The following PHACTR3 variants were observed in gnomAD, a reference collection of about 807,000 sequenced individuals.
The protein encoded by PHACTR3 is protein phosphatase 1, regulatory subunit 123.
Under a neutral mutation model 66.8 loss-of-function variants are expected in PHACTR3, and 16 were observed. That is an observed-to-expected ratio of 0.24 (90% CI 0.16 to 0.36). PHACTR3 has a LOEUF of 0.36. Among genes scored for constraint, PHACTR3 ranks in the 10% least tolerant of loss-of-function variants. PHACTR3 has a pLI of 1.00. For synonymous variants in PHACTR3, 323 were observed against 292.1 expected (o/e 1.11, Z -1.08); for missense variants, 647 against 719.9 (o/e 0.90, Z 1.16).
chr20:59,578,844 G>A (rs1225198298), intron 1 of PHACTR3, among the ~76,000 whole-genome samples: 10 of 152,334 alleles, frequency 6.6e-5, no homozygotes, highest in Admixed American at 2.0e-4. Context: ...GGAGAAGCTC[G>A]TGGCAGAAGC....
chr20:59,608,258 G>A (rs1360399948), intron 1 of PHACTR3, among the ~76,000 whole-genome samples: 1 of 152,126 alleles, frequency 6.6e-6, no homozygotes, highest in Non-Finnish European at 1.5e-5. Context: ...GCCATGGACT[G>A]TGTGGCGGGG....
rs564727793 is a variant in PHACTR3, at chr20:59,612,532, G to A, written c.118+7400G>A. Among the ~76,000 whole-genome samples the A allele has an allele frequency of 5.3e-5, 8 of 152,122 alleles. No individual in the cohort carries two copies. The East Asian group carries it at 7.7e-4, about 15-fold the overall frequency. ...CCCGAGTGGCTGGGACTACAGGTGC[G>A]CGCCACCATGCCCAACTAATTTTTT... On this transcript the variant is annotated intron_variant, in intron 1 of 12. Coordinates refer to ENST00000371015, the MANE Select transcript of PHACTR3 (RefSeq NM_080672.5).
chr20:59,757,580 G>T (rs1161178763), intron 4 of PHACTR3, among the ~76,000 whole-genome samples: 3 of 152,104 alleles, frequency 2.0e-5, no homozygotes, highest in Admixed American at 2.0e-4. Flanking sequence ...ACAGCCACTC[G>T]CCTCTGCCCC....
chr20:59,646,756 A>T (rs1160046622), intron 1 of PHACTR3, among the ~76,000 whole-genome samples: 1 of 152,210 alleles, frequency 6.6e-6, no homozygotes, highest in African/African-American at 2.4e-5. Flanking sequence ...GGCCTGAGGC[A>T]GGGAGGGTGC....
chr20:59,731,001 T>TTAAATGCATTTAATCCCTCTGACC (rs1481884467), intron 1 of PHACTR3, among the ~76,000 whole-genome samples: 3 of 152,188 alleles, frequency 2.0e-5, no homozygotes, highest in African/African-American at 7.2e-5. Flanking sequence ...TTCCTAGCAC[T>TTAAATGCATTTAATCCCTCTGACC]TAAATGCATT....
At chr20:59,591,851 GGTAAAAATA>G (rs371017505) in intron 1 of PHACTR3, among the ~76,000 whole-genome samples, 34 of 152,138 alleles carry the variant, frequency 2.2e-4, no homozygotes, top group African/African-American at 7.9e-4. Flanking sequence ...AGATATATAT[GGTAAAAATA>G]TAAAGAATAC....
intron 1 of PHACTR3, among the ~76,000 whole-genome samples, chr20:59,638,158 C>A (rs983445400): frequency 6.6e-6 from 1 of 152,214 alleles, no homozygotes; most frequent in African/African-American, 2.4e-5. Flanking sequence ...CTGGTATAAG[C>A]TGTCTTAGCA....
intron 1 of PHACTR3, chr20:59,627,997 C>CA (rs1600951336): frequency 6.6e-6 from 1 of 152,108 alleles, no homozygotes; most frequent in East Asian, 1.9e-4. Context: ...TCCATCTATC[C>CA]AGGCAGTGCT....
At chr20:59,582,382 A>G (rs1169164801) in intron 1 of PHACTR3, among the ~76,000 whole-genome samples, 1 of 152,200 alleles carries the variant, frequency 6.6e-6, no homozygotes, top group Non-Finnish European at 1.5e-5. Flanking sequence ...ATCCTGTCAC[A>G]GGCTGTGCTG....
intron 1 of PHACTR3, among the ~76,000 whole-genome samples, chr20:59,673,615 G>A (rs1474142191): frequency 6.6e-6 from 1 of 152,162 alleles, no homozygotes; most frequent in African/African-American, 2.4e-5. Flanking sequence ...CAGCTGGGAT[G>A]GTGACCCTGG....
rs566108667 is a variant in PHACTR3, at chr20:59,829,319, C to T, written c.1329-7186C>T. On this transcript the variant is annotated intron_variant, in intron 8 of 12. Coordinates refer to ENST00000371015, the MANE Select transcript of PHACTR3 (RefSeq NM_080672.5). This position sits in a 1 kb window ranked among gnomAD's most constrained non-coding sequence, Gnocchi z 4.2. ...TGCTTGCTGTTTCCTAGTGTGGACA[C>T]ACTCCATCCCCTCTGCCTGGATGCC... Among the ~76,000 whole-genome samples, 5 of 152,308 alleles carry T rather than the reference C, an allele frequency of 3.3e-5. No homozygotes were observed. In the South Asian group the frequency reaches 1.0e-3, roughly 32 times the overall value.
At chr20:59,661,085 C>T (rs2035789657) in intron 1 of PHACTR3, among the ~76,000 whole-genome samples, 2 of 152,162 alleles carry the variant, frequency 1.3e-5, no homozygotes, top group Non-Finnish European at 2.9e-5. Flanking sequence ...GTGGATTATG[C>T]CAGTTTCTAG....
At chr20:59,579,893 TCGGGGAGGAGGGAGACTGGC>T (rs1216862012) in intron 1 of PHACTR3, among the ~76,000 whole-genome samples, 1 of 151,930 alleles carries the variant, frequency 6.6e-6, no homozygotes, top group African/African-American at 2.4e-5. Flanking sequence ...GAAGGCTTGG[TCGGGGAGGAGGGAGACTGGC>T]CGGAGGCTTC....
chr20:59,715,012 A>T (rs887297100), intron 1 of PHACTR3, among the ~76,000 whole-genome samples: 1 of 152,196 alleles, frequency 6.6e-6, no homozygotes, highest in Admixed American at 6.5e-5. Flanking sequence ...ATTTTTGTAT[A>T]TGGACTTCCT....
intron 1 of PHACTR3, among the ~76,000 whole-genome samples, chr20:59,605,859 G>GGGGGGGGAGGT (rs2033649610): frequency 3.3e-4 from 2 of 6,042 alleles, no homozygotes; most frequent in African/African-American, 8.4e-4. Context: ...GGGGGGAGGT[G>GGGGGGGGAGGT]GGGGGGGGGG....
intron 11 of PHACTR3, 24 bp from the exon 12 acceptor site, chr20:59,845,165 C>G: frequency 6.9e-7 from 1 of 1,443,256 alleles, no homozygotes. Flanking sequence ...TCCTGTAAAA[C>G]AATGTCTTGT....
At position 59,830,152 on chromosome 20, in the gene PHACTR3, A is replaced by ATGTGTGTGTCTGATGGAAGAGGG. The variant is rs1568864443; in HGVS notation, c.1329-6349_1329-6348insTGTGTCTGATGGAAGAGGGTGTG. Among the ~76,000 whole-genome samples the ATGTGTGTGTCTGATGGAAGAGGG allele has an allele frequency of 1.4e-5, 2 of 138,200 alleles. No homozygotes were observed. Among genetic ancestry groups the ATGTGTGTGTCTGATGGAAGAGGG allele is most frequent in the African/African-American group, 6.4e-5 (2 of 31,324 alleles). The allele number at this position is 138,200 out of a possible 152,430, so 90.7% of individuals were successfully genotyped here. A position where few individuals can be genotyped will look rare whatever the true frequency, so the allele number is the denominator to read the frequency against. On this transcript the variant is annotated intron_variant, in intron 8 of 12. Transcript: ENST00000371015. This position sits in a 1 kb window ranked among gnomAD's most constrained non-coding sequence, Gnocchi z 5.8. ...GAAAGAGGCTATGACAGACAGGAGC[A>ATGTGTGTGTCTGATGGAAGAGGG]TGTGCGTGTCTGGTGGAAGAGGGTG...
chr20:59,792,852 T>A (rs1437265467), intron 7 of PHACTR3, among the ~76,000 whole-genome samples: 1 of 152,204 alleles, frequency 6.6e-6, no homozygotes, highest in Non-Finnish European at 1.5e-5. Context: ...CCATGCTGTT[T>A]TGGTTACTAT....
Position 59,830,454 on chromosome 20 carries a change from A to G in PHACTR3, c.1329-6051A>G, listed in dbSNP as rs1290800835. ...ATGTGTGGGCATCTGATGGAGGAAGATGTGAACATCTGATGGAGGTGTGAA... is the reference window on the plus strand; with the variant it reads ...ATGTGTGGGCATCTGATGGAGGAAGGTGTGAACATCTGATGGAGGTGTGAA... On this transcript the variant is annotated intron_variant, in intron 8 of 12. Transcript: ENST00000371015. The surrounding 1 kb of genome is among the most constrained non-coding windows in gnomAD (Gnocchi z 5.8). 6.6e-6 allele frequency among the ~76,000 whole-genome samples: 1 copy of G among 152,166 alleles called. No individual in the cohort carries two copies. Among genetic ancestry groups the G allele is most frequent in the East Asian group, 1.9e-4 (1 of 5,154 alleles).
Sources: gnomAD v4.1 joint callset for allele counts (sites outside exome capture counted in the v4.1 genomes callset) on GRCh38, gnomAD v4.1.1 for gene constraint, Gnocchi (gnomAD v3.1) non-coding constraint, MANE v1.5 for transcripts, NCBI Gene and HGNC (gene_info 2026-07-23, HGNC 2026-07-21) for gene names.